HEATR5A: variants seen among roughly 807,000 people sequenced by gnomAD.
HEATR5A encodes HEAT repeat-containing protein 5A.
Under a neutral mutation model 218.8 loss-of-function variants are expected in HEATR5A, and 178 were observed. The ratio of observed to expected loss-of-function variants is 0.81; its 90% CI spans 0.72 to 0.92. The LOEUF (loss-of-function observed/expected upper bound fraction) is 0.92, where lower values mean the gene tolerates loss of function less well. Among genes scored for constraint, HEATR5A ranks in the 40% least tolerant of loss-of-function variants. The pLI is 0.00. For synonymous variants in HEATR5A, 864 were observed against 871.6 expected (o/e 0.99, Z 0.15); for missense variants, 2,420 against 2,418.9 (o/e 1.00, Z -0.01).
intron 1 of HEATR5A, among the ~76,000 whole-genome samples, chr14:31,418,118 G>C (rs1270006239): frequency 6.6e-6 from 1 of 151,860 alleles, no homozygotes; most frequent in East Asian, 1.9e-4. Context: ...TAAGGCAGGA[G>C]AATCACTTGC....
intron 1 of HEATR5A, chr14:31,420,158 T>C (rs1477367588): frequency 6.6e-6 from 1 of 152,326 alleles, no homozygotes; most frequent in African/African-American, 2.4e-5. Context: ...CTACCTGTTG[T>C]GCACAGGTGA....
intron 27 of HEATR5A, among the ~76,000 whole-genome samples, chr14:31,315,103 G>A (rs1161703538): frequency 1.3e-5 from 2 of 152,104 alleles, no homozygotes; most frequent in Admixed American, 6.5e-5. Flanking sequence ...AAACTGGGAG[G>A]TGGAGGCTGC....
chr14:31,373,775 C>A (rs1902124147), intron 12 of HEATR5A, among the ~76,000 whole-genome samples: 1 of 152,066 alleles, frequency 6.6e-6, no homozygotes, highest in South Asian at 2.1e-4. Flanking sequence ...GTGCCTACCT[C>A]TCCTGCCTCC....
intron 33 of HEATR5A, among the ~76,000 whole-genome samples, chr14:31,298,416 G>T (rs1015518323): frequency 2.6e-5 from 4 of 151,948 alleles, no homozygotes; most frequent in Non-Finnish European, 5.9e-5. Flanking sequence ...CCATTTTTTT[G>T]TGTGTGAGAT....
Position 31,302,397 on chromosome 14 carries a change from C to T in HEATR5A, c.5362G>A (p.Gly1788Arg). 1 of 1,600,664 alleles carries T rather than the reference C, an allele frequency of 6.2e-7. No homozygotes were observed. Among genetic ancestry groups the T allele is most frequent in the Admixed American group, 1.7e-5 (1 of 57,924 alleles). Residue 1788 changes from glycine (G) to arginine (R), a missense_variant, in exon 33 of 36, where the codon GGA (glycine) becomes AGA (arginine). Physicochemically the swap from Gly to Arg is moderately radical, Grantham distance 125. Coordinates refer to ENST00000543095, the MANE Select transcript of HEATR5A (RefSeq NM_015473.4). ...CGGGCCATGGGAGAAGATAATATTC[C>T]TTTTAGAGCCTGTAGGGAAGCTGCA... The part of the protein sequence containing the change: ...TVAASLQALK[G>R]ILSSPMARAE...
Position 31,380,535 on chromosome 14 carries a change from T to G in HEATR5A, c.1640A>C (p.Gln547Pro). Reference sequence around the variant, plus strand: ...GCGCTGAGCTGAAAGGCGACTGTTTTGAGCAGCAGAACACAGCAAATCCTC... The same window carrying G: ...GCGCTGAGCTGAAAGGCGACTGTTTGGAGCAGCAGAACACAGCAAATCCTC... ...LAEDLLCSAAQNSRLSAQRTQ... is the reference protein window; with the variant it reads ...LAEDLLCSAAPNSRLSAQRTQ... The change falls in exon 11 of 36, where the codon CAA (glutamine) becomes CCA (proline). Residue 547 changes from glutamine (Q) to proline (P), a missense_variant. Physicochemically the swap from Gln to Pro is moderately conservative, Grantham distance 76 (BLOSUM62 -1). Coordinates refer to ENST00000543095, the MANE Select transcript of HEATR5A (RefSeq NM_015473.4). The G allele has an allele frequency of 1.9e-6, 3 of 1,607,326 alleles. No individual in the cohort carries two copies. Among genetic ancestry groups the G allele is most frequent in the Non-Finnish European group, 2.5e-6 (3 of 1,176,790 alleles).
chr14:31,359,018 A>G lies in HEATR5A; in HGVS notation c.2111T>C (p.Leu704Ser). 1 of 1,589,414 alleles carries G rather than the reference A, an allele frequency of 6.3e-7. No individual in the cohort carries two copies. The highest frequency in any genetic ancestry group is 8.5e-7 in the Non-Finnish European group (1 of 1,174,426). ...TGCCACCTGAATATCAGGGGCAGTC[A>G]AGTCAGCAGCCAGCTCTCTGAGGAT... ...CAILRELAAD[L>S]TAPDIQVAAS... Residue 704 changes from leucine to serine, a missense_variant, in exon 15 of 36, where the codon TTG (leucine) becomes TCG (serine). Physicochemically the swap from Leu to Ser is moderately radical, Grantham distance 145. Transcript: ENST00000543095.
intron 1 of HEATR5A, among the ~76,000 whole-genome samples, chr14:31,403,451 A>G (rs1053823023): frequency 2.0e-5 from 3 of 152,328 alleles, no homozygotes; most frequent in Middle Eastern, 3.4e-3. Flanking sequence ...CTAGAATTCT[A>G]TAGTAAAGCT....
At chr14:31,307,209 A>G (rs1314687984) in intron 30 of HEATR5A, among the ~76,000 whole-genome samples, 1 of 152,228 alleles carries the variant, frequency 6.6e-6, no homozygotes, top group Non-Finnish European at 1.5e-5. Flanking sequence ...AAACACTTAA[A>G]TAATAGACAG....
At chr14:31,403,084 G>A (rs2030936612) in intron 1 of HEATR5A, 35 bp from the exon 2 acceptor site, 9 of 977,494 alleles carry the variant, frequency 9.2e-6, no homozygotes, top group South Asian at 4.4e-5. Context: ...TTTAAAAGGG[G>A]GGTAAAAAGG....
chr14:31,382,225 G>C (rs1464986877), intron 10 of HEATR5A, among the ~76,000 whole-genome samples: 1 of 152,186 alleles, frequency 6.6e-6, no homozygotes, highest in East Asian at 1.9e-4. Flanking sequence ...AGCAAGATGT[G>C]ATGTGTTAAG....
At position 31,323,673 on chromosome 14, in the gene HEATR5A, C is replaced by G; in HGVS notation, c.3679G>C (p.Val1227Leu). 1.2e-6 allele frequency: 2 copies of G among 1,613,752 alleles called. No homozygotes were observed. The change falls in exon 24 of 36, where the codon GTC becomes CTC. Residue 1227 changes from valine to leucine, a missense_variant. Physicochemically the swap from Val to Leu is conservative, Grantham distance 32. Transcript: ENST00000543095. ...CTACAGACACATTCAGCAGCAAAGA[C>G]TCTAGTAGCCCATCGGGGATTGGTA... Reference protein sequence around the residue: ...PFTNPRWATRVFAAECVCRII... With the variant: ...PFTNPRWATRLFAAECVCRII...
intron 31 of HEATR5A, 100 bp from the exon 32 acceptor site, chr14:31,305,277 T>G (rs1739876908): frequency 2.3e-6 from 3 of 1,281,242 alleles, no homozygotes; most frequent in South Asian, 1.4e-5. Context: ...TATTTTATTT[T>G]TTTGAGACAG....
At chr14:31,301,369 C>T (rs1253855807) in intron 33 of HEATR5A, among the ~76,000 whole-genome samples, 6 of 152,090 alleles carry the variant, frequency 3.9e-5, no homozygotes, top group Admixed American at 3.9e-4. Context: ...GATTCTCCTG[C>T]CTCAGCCTCC....
chr14:31,367,121 G>A (rs1264169050), intron 13 of HEATR5A, among the ~76,000 whole-genome samples: 1 of 152,128 alleles, frequency 6.6e-6, no homozygotes, highest in Non-Finnish European at 1.5e-5. Context: ...ATTCAGTAAG[G>A]TGGTCAGATA....
rs1899513820 is a variant in HEATR5A at position 31,305,115 on chromosome 14, C to G, written c.5029G>C (p.Gly1677Arg). 2 of 1,613,842 alleles carry G rather than the reference C, an allele frequency of 1.2e-6. No individual in the cohort carries two copies. The highest frequency in any genetic ancestry group is 1.1e-5 in the South Asian group (1 of 91,078). The change falls in exon 32 of 36, where the codon GGA (glycine) becomes CGA (arginine). Residue 1677 changes from glycine (G) to arginine (R), a missense_variant. Coordinates refer to ENST00000543095, the MANE Select transcript of HEATR5A (RefSeq NM_015473.4). ...PEFGEGKDTG[G>R]LVPGKSLVFA... ...ACCAAAGACTTTCCAGGCACAAGTC[C>G]TCCGGTGTCCTTTCCCTCTCCAAAC...
At chr14:31,372,616 G>A (rs1217804268) in intron 12 of HEATR5A, among the ~76,000 whole-genome samples, 1 of 152,158 alleles carries the variant, frequency 6.6e-6, no homozygotes, top group Non-Finnish European at 1.5e-5. Context: ...ATCACCTGAA[G>A]TTGGGAGTTT....
chr14:31,295,803 T>G, intron 34 of HEATR5A, 106 bp downstream of exon 34: 2 of 816,988 alleles, frequency 2.4e-6, no homozygotes, highest in Non-Finnish European at 3.9e-6. Context: ...AATAAAAAAA[T>G]TGTAGTCTAA....
chr14:31,401,174 T>G (rs1595177762), intron 2 of HEATR5A, among the ~76,000 whole-genome samples: 1 of 152,174 alleles, frequency 6.6e-6, no homozygotes, highest in East Asian at 1.9e-4. Context: ...GGTTTGGCTC[T>G]GCATCCCCAC....
Sources: allele counts gnomAD v4.1 joint callset (sites outside exome capture counted in the v4.1 genomes callset), GRCh38; gene constraint gnomAD v4.1.1; transcripts MANE v1.5; gene names NCBI Gene and HGNC (gene_info 2026-07-23, HGNC 2026-07-21).